Variants in THRAP3 observed in about 807,000 individuals in gnomAD.
The protein encoded by THRAP3 is thyroid hormone receptor-associated protein 3.
THRAP3 carries 16 observed loss-of-function variants against 101.0 expected under a neutral mutation model. That is an observed-to-expected ratio of 0.16 (90% CI 0.11 to 0.24). The LOEUF is 0.24. THRAP3 is among the 10% of genes least tolerant of loss of function. The pLI is 1.00. For synonymous variants in THRAP3, 407 were observed against 422.6 expected, an observed-to-expected ratio of 0.96 and a Z score of 0.45; for missense variants, 989 against 1,202.7, an observed-to-expected ratio of 0.82 and a Z score of 2.63.
intron 2 of THRAP3, among the ~76,000 whole-genome samples, chr1:36,267,617 A>G (rs890438700): frequency 6.6e-6 from 1 of 152,198 alleles, no homozygotes; most frequent in Non-Finnish European, 1.5e-5. Flanking sequence ...GGGAGAAGAA[A>G]GAGGGAAGAA....
At chr1:36,249,225 G>C (rs1186914297) in intron 1 of THRAP3, among the ~76,000 whole-genome samples, 5 of 125,952 alleles carry the variant, frequency 4.0e-5, no homozygotes, top group Admixed American at 9.0e-5. Flanking sequence ...ATGGAGTCTC[G>C]CTCTCGCCCA....
At chr1:36,252,915 T>C (rs1444637199) in intron 1 of THRAP3, among the ~76,000 whole-genome samples, 2 of 130,796 alleles carry the variant, frequency 1.5e-5, no homozygotes, top group Non-Finnish European at 3.2e-5. Context: ...TCAAAAAATA[T>C]ATATAGATAG....
chr1:36,220,553 C>T (rs1395784717), upstream of THRAP3, among the ~76,000 whole-genome samples: 1 of 152,044 alleles, frequency 6.6e-6, no homozygotes, highest in Non-Finnish European at 1.5e-5. Context: ...TGCAGTGGCT[C>T]ATATCTGTAA....
chr1:36,260,594 G>A (rs1041786387), intron 2 of THRAP3, among the ~76,000 whole-genome samples: 5 of 152,188 alleles, frequency 3.3e-5, no homozygotes, highest in Admixed American at 1.3e-4. Flanking sequence ...AGGCCGAGGC[G>A]GGCGGATCAC....
chr1:36,280,827 C>T (rs965765775), intron 2 of THRAP3, among the ~76,000 whole-genome samples: 1 of 150,646 alleles, frequency 6.6e-6, no homozygotes, highest in Non-Finnish European at 1.5e-5. Flanking sequence ...CTCAGGGCAA[C>T]TTAGAGGCGC....
intron 3 of THRAP3, among the ~76,000 whole-genome samples, chr1:36,284,197 G>T (rs1370349490): frequency 6.6e-6 from 1 of 152,202 alleles, no homozygotes; most frequent in Non-Finnish European, 1.5e-5. Flanking sequence ...ATTTATGACA[G>T]CTGGAATTCC....
chr1:36,269,490 G>A (rs1160315342), intron 2 of THRAP3, among the ~76,000 whole-genome samples: 1 of 152,182 alleles, frequency 6.6e-6, no homozygotes, highest in African/African-American at 2.4e-5. Context: ...AATTGGGGGA[G>A]AGTTTAAGGT....
chr1:36,256,188 G>GATGATTATT (rs1553194369), intron 1 of THRAP3, among the ~76,000 whole-genome samples: 8 of 136,000 alleles, frequency 5.9e-5, no homozygotes, highest in African/African-American at 1.4e-4. Context: ...GGCCTGCCTG[G>GATGATTATT]ATTATTATTA....
Position 36,270,210 on chromosome 1 carries a change from G to A in THRAP3, c.-32+10726G>A, listed in dbSNP as rs183865928. On this transcript the variant is annotated intron_variant, in intron 2 of 11. Transcript: ENST00000354618. The stretch of plus-strand genomic sequence containing the variant: ...TTGAAACCAGCTTGGGCAACATGGC[G>A]AGACCTTGTCTCTACAAAAAATACG... Among the ~76,000 whole-genome samples, 124 of 152,290 alleles carry A rather than the reference G, an allele frequency of 8.1e-4. 3 individuals are homozygous for A. The East Asian group carries it at 0.014, about 18-fold the overall frequency.
intron 1 of THRAP3, among the ~76,000 whole-genome samples, chr1:36,243,251 A>T (rs1433278292): frequency 7.7e-6 from 1 of 129,408 alleles, no homozygotes; most frequent in African/African-American, 3.0e-5. Flanking sequence ...GCAGAGGGGG[A>T]TTTGGCAGGG....
At chr1:36,233,565 G>A (rs1467688179) in intron 1 of THRAP3, among the ~76,000 whole-genome samples, 2 of 151,008 alleles carry the variant, frequency 1.3e-5, no homozygotes, top group East Asian at 3.9e-4. Flanking sequence ...CATAGCCTGG[G>A]CATGGGCAAC....
In THRAP3 at chr1:36,303,984, A is replaced by C. The variant is rs980432098; in HGVS notation, c.2835A>C (p.Glu945Asp). ...EDDESGTENR[E>D]EKDNIQPTTE The stretch of plus-strand genomic sequence containing the variant: ...ACGAGAGTGGGACAGAGAACCGAGA[A>C]GAGAAGGACAATATACAGCCCACAA... Residue 945 changes from glutamate (E) to aspartate (D), a missense_variant, in exon 12 of 12, where the codon GAA (glutamate) becomes GAC (aspartate). Glu to Asp is a conservative substitution (Grantham distance 45). Coordinates refer to ENST00000354618, the MANE Select transcript of THRAP3 (RefSeq NM_005119.4). 3.1e-6 allele frequency: 5 copies of C among 1,596,810 alleles called. No individual in the cohort carries two copies. The highest frequency in any genetic ancestry group is 4.3e-6 in the Non-Finnish European group (5 of 1,171,962).
chr1:36,210,949 A>T, the THRAP3 span, among the ~76,000 whole-genome samples: 1 of 150,040 alleles, frequency 6.7e-6, no homozygotes. Context: ...GTGGTGGTTC[A>T]TGATGTAATC....
At chr1:36,260,017 T>C (rs1380143219) in intron 2 of THRAP3, among the ~76,000 whole-genome samples, 2 of 151,750 alleles carry the variant, frequency 1.3e-5, no homozygotes, top group African/African-American at 4.8e-5. Flanking sequence ...CCAAGGCAGG[T>C]GATCACTTGA....
In THRAP3 at chr1:36,301,095, C is replaced by T; in HGVS notation, c.2502+11C>T. 3 of 1,612,294 alleles carry T rather than the reference C, an allele frequency of 1.9e-6. No individual in the cohort carries two copies. The highest frequency in any genetic ancestry group is 1.1e-5 in the South Asian group (1 of 90,870). ...GCTCGAGGAACCTTTGTAAGACCTT[C>T]CCCTCTCCCCCTTTCTCTGAGACCC... On this transcript the variant is annotated intron_variant, in intron 10 of 11. Coordinates refer to ENST00000354618, the MANE Select transcript of THRAP3 (RefSeq NM_005119.4).
the THRAP3 span, among the ~76,000 whole-genome samples, chr1:36,210,246 G>A: frequency 1.3e-5 from 2 of 151,458 alleles, no homozygotes; most frequent in South Asian, 2.1e-4. Flanking sequence ...GGCACCTGTA[G>A]TCCCAGCTGC....
chr1:36,300,771 C>T, intron 9 of THRAP3, 115 bp from the exon 10 acceptor site: 1 of 1,006,168 alleles, frequency 9.9e-7, no homozygotes, highest in East Asian at 2.4e-5. Flanking sequence ...TACTCATCAT[C>T]AGTTTCTTCC....
chr1:36,273,651 A>G (rs1274436384), intron 2 of THRAP3, among the ~76,000 whole-genome samples: 1 of 152,220 alleles, frequency 6.6e-6, no homozygotes, highest in Non-Finnish European at 1.5e-5. Flanking sequence ...CTCTTTTTGC[A>G]GATGGTGTAA....
chr1:36,261,829 T>TA (rs1320086717), intron 2 of THRAP3, among the ~76,000 whole-genome samples: 1 of 152,182 alleles, frequency 6.6e-6, no homozygotes. Flanking sequence ...TTTGGTCTCT[T>TA]ACGTAGAGTT....
Sources: allele counts gnomAD v4.1 joint callset (sites outside exome capture counted in the v4.1 genomes callset), GRCh38; gene constraint gnomAD v4.1.1; transcripts MANE v1.5; gene names NCBI Gene and HGNC (gene_info 2026-07-23, HGNC 2026-07-21).